The following CNTN6 variants were observed in gnomAD, a reference collection of about 807,000 sequenced individuals.
CNTN6 encodes the protein contactin-6.
A neutral mutation model predicts 122.8 loss-of-function variants in CNTN6; 137 were observed. The observed-to-expected ratio is 1.12, with a 90% CI of 0.97 to 1.29. CNTN6 has a LOEUF of 1.29. CNTN6 is among the 50% of genes most tolerant of loss of function. The pLI, the probability that CNTN6 is intolerant of heterozygous loss-of-function variation, is 0.00. For missense variants in CNTN6, 1,634 were observed against 1,223.4 expected (o/e 1.34, Z -5.01); for synonymous variants, 570 against 426.0 (o/e 1.34, Z -4.16).
chr3:1,170,970 G>A (rs895168785), intron 2 of CNTN6, among the ~76,000 whole-genome samples: 5 of 152,158 alleles, frequency 3.3e-5, no homozygotes, highest in African/African-American at 1.2e-4. Context: ...CGTAGAAAGT[G>A]CTCGATAAAC....
intron 2 of CNTN6, among the ~76,000 whole-genome samples, chr3:1,198,992 C>A (rs1484934737): frequency 6.6e-6 from 1 of 151,994 alleles, no homozygotes; most frequent in African/African-American, 2.4e-5. Context: ...AAGATGGAGA[C>A]AGAGATTGAA....
chr3:1,385,526 T>C, intron 19 of CNTN6, 85 bp from the exon 20 acceptor site: 3 of 1,056,042 alleles, frequency 2.8e-6, no homozygotes, highest in Middle Eastern at 4.7e-4. Flanking sequence ...ATATTCCTTG[T>C]GGTTGTGGTT....
chr3:1,304,987 CAA>C (rs4065396), intron 7 of CNTN6, among the ~76,000 whole-genome samples: 2 of 103,306 alleles, frequency 1.9e-5, no homozygotes, highest in African/African-American at 9.1e-5. Context: ...GAGACTCTGT[CAA>C]AAAAAAAAAA....
chr3:1,300,503 G>GAA, intron 7 of CNTN6, among the ~76,000 whole-genome samples: 1 of 121,408 alleles, frequency 8.2e-6, no homozygotes, highest in African/African-American at 3.7e-5. Flanking sequence ...AAAAAGAAAA[G>GAA]AAAGAGAAAG....
intron 5 of CNTN6, among the ~76,000 whole-genome samples, chr3:1,282,302 C>T (rs1195265904): frequency 2.0e-5 from 3 of 152,212 alleles, no homozygotes; most frequent in African/African-American, 7.2e-5. Flanking sequence ...AAATGTCCTG[C>T]TCCTCTAGAA....
chr3:1,335,476 C>A (rs529145958), intron 11 of CNTN6, among the ~76,000 whole-genome samples: 79 of 152,112 alleles, frequency 5.2e-4, no homozygotes, highest in Non-Finnish European at 9.4e-4. Flanking sequence ...AGCAAGTGAA[C>A]TGACAGAAAT....
rs1324914488 is a variant in CNTN6 at position 1,147,914 on chromosome 3, T to C, written c.-82-13T>C. 1 of 776,336 alleles carries C rather than the reference T, an allele frequency of 1.3e-6. No homozygotes were observed. Among genetic ancestry groups the C allele is most frequent in the Non-Finnish European group, 2.2e-6 (1 of 454,650 alleles). 48.1% of individuals were successfully genotyped at this position (776,336 alleles called of 1,614,324 possible). A position where few individuals can be genotyped will look rare whatever the true frequency, so the allele number is the denominator to read the frequency against. ...GTACGTTTTTCATTTCATGACAATT[T>C]TGTCTTTTTCAGACTCTTGAGATAC... On this transcript the variant is annotated splice_polypyrimidine_tract_variant and intron_variant, in intron 1 of 22. Coordinates refer to ENST00000446702, the MANE Select transcript of CNTN6 (RefSeq NM_001289080.2).
intron 5 of CNTN6, among the ~76,000 whole-genome samples, chr3:1,290,916 C>T (rs868753039): frequency 3.7e-4 from 57 of 152,234 alleles, no homozygotes; most frequent in African/African-American, 1.3e-3. Flanking sequence ...AAGGTCTTTA[C>T]GATCTGTATC....
chr3:1,206,085 A>G (rs1261786997), intron 2 of CNTN6, among the ~76,000 whole-genome samples: 1 of 152,172 alleles, frequency 6.6e-6, no homozygotes, highest in Non-Finnish European at 1.5e-5. Context: ...AATCTGCAAG[A>G]GTACCTAATT....
intron 7 of CNTN6, among the ~76,000 whole-genome samples, chr3:1,300,314 A>C (rs1333684140): frequency 2.0e-5 from 3 of 151,824 alleles, no homozygotes; most frequent in Non-Finnish European, 4.4e-5. Flanking sequence ...GCAATGTTTG[A>C]ATTAGTGAGG....
chr3:1,165,646 G>A (rs2093230677), intron 2 of CNTN6, among the ~76,000 whole-genome samples: 1 of 152,138 alleles, frequency 6.6e-6, no homozygotes, highest in African/African-American at 2.4e-5. Context: ...TGACCATTTA[G>A]TAGCTGCTGA....
chr3:1,127,792 G>T (rs988800906), intron 1 of CNTN6, among the ~76,000 whole-genome samples: 6 of 151,618 alleles, frequency 4.0e-5, no homozygotes, highest in African/African-American at 1.5e-4. Flanking sequence ...AATTTTTCAG[G>T]CCTTTCATTC....
chr3:1,220,491 A>G (rs932387264), intron 2 of CNTN6, among the ~76,000 whole-genome samples, 196 bp from the exon 3 acceptor site: 2 of 152,070 alleles, frequency 1.3e-5, no homozygotes, highest in Non-Finnish European at 2.9e-5. Flanking sequence ...ATATAAACTA[A>G]TTTATTTGGG....
chr3:1,322,282 AGTAG>A lies in CNTN6; in HGVS notation c.946+452_946+455del, dbSNP rs1170432113. Among the ~76,000 whole-genome samples, 12 of 151,700 alleles carry A rather than the reference AGTAG, an allele frequency of 7.9e-5. No individual in the cohort carries two copies. In the East Asian group the frequency reaches 9.7e-4, roughly 12 times the overall value. On this transcript the variant is annotated intron_variant, in intron 8 of 22. Transcript: ENST00000446702. Reference sequence around the variant, plus strand: ...AGTTTTCATATTTTGTCTACTCATAAGTAGGTAATATAAAAAGAAGGCAATTACA... The same window carrying A: ...AGTTTTCATATTTTGTCTACTCATAAGTAATATAAAAAGAAGGCAATTACA...
intron 7 of CNTN6, among the ~76,000 whole-genome samples, chr3:1,305,548 C>G (rs1283730002): frequency 6.6e-6 from 1 of 152,094 alleles, no homozygotes; most frequent in Non-Finnish European, 1.5e-5. Flanking sequence ...GTATGATTGA[C>G]TGATAGATAT....
intron 1 of CNTN6, among the ~76,000 whole-genome samples, chr3:1,133,821 C>G (rs2092401005): frequency 6.6e-6 from 1 of 152,114 alleles, no homozygotes; most frequent in African/African-American, 2.4e-5. Flanking sequence ...AACATGTGTT[C>G]TCATATTCTT....
At chr3:1,317,214 C>G (rs953709595) in intron 7 of CNTN6, among the ~76,000 whole-genome samples, 2 of 151,434 alleles carry the variant, frequency 1.3e-5, no homozygotes, top group East Asian at 3.9e-4. Flanking sequence ...AGGTTTTTAT[C>G]ATTATTTTTT....
At chr3:1,199,219 C>T (rs1242394625) in intron 2 of CNTN6, among the ~76,000 whole-genome samples, 1 of 143,924 alleles carries the variant, frequency 6.9e-6, no homozygotes, top group African/African-American at 2.6e-5. Flanking sequence ...CCCTCTGTCA[C>T]TCAGTCTGGA....
chr3:1,112,398 G>A (rs2091521555), intron 1 of CNTN6, among the ~76,000 whole-genome samples: 1 of 152,134 alleles, frequency 6.6e-6, no homozygotes, highest in Non-Finnish European at 1.5e-5. Context: ...CTCAGTCTAA[G>A]TTCAAATGCC....
Sources: allele counts gnomAD v4.1 joint callset (sites outside exome capture counted in the v4.1 genomes callset), GRCh38; gene constraint gnomAD v4.1.1; transcripts MANE v1.5; gene names NCBI Gene and HGNC (gene_info 2026-07-23, HGNC 2026-07-21).